The following SIPA1L2 variants were observed in gnomAD, a reference collection of about 807,000 sequenced individuals.
The protein encoded by SIPA1L2 is signal induced proliferation associated 1 like 2.
SIPA1L2 carries 56 observed loss-of-function variants against 163.9 expected under a neutral mutation model. The ratio of observed to expected loss-of-function variants is 0.34; its 90% confidence interval spans 0.28 to 0.43. SIPA1L2 has a LOEUF of 0.43. Among genes scored for constraint, SIPA1L2 ranks in the 20% least tolerant of loss-of-function variants. SIPA1L2 has a pLI of 1.00. For missense variants in SIPA1L2, 1,974 were observed against 2,193.5 expected (o/e 0.90, Z 2.00); for synonymous variants, 877 against 865.7 (o/e 1.01, Z -0.23).
At chr1:232,557,705 C>T (rs1314198198) in intron 2 of SIPA1L2, among the ~76,000 whole-genome samples, 2 of 152,228 alleles carry the variant, frequency 1.3e-5, no homozygotes. Flanking sequence ...TATTTATTTA[C>T]ATGCTTGTCT....
At chr1:232,623,405 A>G (rs1008752912) in intron 1 of SIPA1L2, among the ~76,000 whole-genome samples, 1 of 152,134 alleles carries the variant, frequency 6.6e-6, no homozygotes, top group Non-Finnish European at 1.5e-5. Context: ...GGAGATCGAG[A>G]CCATCCTGGC....
In SIPA1L2 at chr1:232,514,607, G is replaced by T. The variant is rs747610079; in HGVS notation, c.733C>A (p.His245Asn). 6.2e-7 allele frequency: 1 copy of T among 1,614,220 alleles called. No homozygotes were observed. The highest frequency in any genetic ancestry group is 1.1e-5 in the South Asian group (1 of 91,084). ...CCCCTAGAAATCTGTGCTGCTGCAT[G>T]AAGGCTCGGAGAGATTGCAGGGTCA... is the stretch of plus-strand genomic sequence containing the variant. Reference protein sequence around the residue: ...RCDPAISPSLHAAAQISRGEF... With the variant: ...RCDPAISPSLNAAAQISRGEF... The change falls in exon 3 of 23, where the codon CAT (histidine) becomes AAT (asparagine). Residue 245 changes from histidine to asparagine, a missense_variant. By Grantham distance (68) the His-to-Asn change is moderately conservative. Coordinates refer to ENST00000674635, the MANE Select transcript of SIPA1L2 (RefSeq NM_020808.5).
intron 19 of SIPA1L2, 95 bp from the exon 20 acceptor site, chr1:232,404,273 T>C: frequency 9.4e-7 from 1 of 1,061,694 alleles, no homozygotes; most frequent in Non-Finnish European, 1.4e-6. Flanking sequence ...TGAAGTAGTG[T>C]GTGTGTGTGA....
intron 1 of SIPA1L2, among the ~76,000 whole-genome samples, chr1:232,628,639 T>C (rs1429518925): frequency 1.3e-5 from 2 of 152,236 alleles, no homozygotes; most frequent in Non-Finnish European, 2.9e-5. Context: ...AATATCGGTA[T>C]GTGTAGGTTT....
At chr1:232,466,837 A>G (rs1664545491) in intron 8 of SIPA1L2, among the ~76,000 whole-genome samples, 1 of 152,124 alleles carries the variant, frequency 6.6e-6, no homozygotes, top group Non-Finnish European at 1.5e-5. Flanking sequence ...AGGAAAGATT[A>G]AGACGAGTAA....
intron 3 of SIPA1L2, among the ~76,000 whole-genome samples, chr1:232,510,874 A>T (rs1558233360): frequency 2.0e-5 from 3 of 152,230 alleles, no homozygotes; most frequent in Non-Finnish European, 4.4e-5. Flanking sequence ...ATAAATATGA[A>T]CATATATATA....
chr1:232,517,212 T>A (rs1232645116), intron 2 of SIPA1L2, among the ~76,000 whole-genome samples: 1 of 152,212 alleles, frequency 6.6e-6, no homozygotes, highest in Non-Finnish European at 1.5e-5. Context: ...TGAAACTCCT[T>A]TATCCTTTTA....
intron 2 of SIPA1L2, among the ~76,000 whole-genome samples, chr1:232,533,246 AC>A (rs1384896307): frequency 6.6e-6 from 1 of 152,238 alleles, no homozygotes; most frequent in Non-Finnish European, 1.5e-5. Flanking sequence ...TTTGAGATCC[AC>A]AGGGTAAAAA....
In SIPA1L2 at chr1:232,611,468, C is replaced by T. The variant is rs190438186; in HGVS notation, c.-319+18401G>A. 6.2e-3 allele frequency among the ~76,000 whole-genome samples: 947 copies of T among 152,204 alleles called. 6 individuals are homozygous for T. Among genetic ancestry groups the T allele is most frequent in the Non-Finnish European group, 0.01 (707 of 68,018 alleles). On this transcript the variant is annotated intron_variant, in intron 1 of 22. Coordinates refer to ENST00000674635, the MANE Select transcript of SIPA1L2 (RefSeq NM_020808.5). The stretch of plus-strand genomic sequence containing the variant: ...CTGAGACTCGTTGAATGGCTTTGAC[C>T]AAAAGCCTGATAGTGATATGAACAA...
At chr1:232,558,731 C>T (rs1347819510) in intron 2 of SIPA1L2, among the ~76,000 whole-genome samples, 1 of 152,114 alleles carries the variant, frequency 6.6e-6, no homozygotes, top group Non-Finnish European at 1.5e-5. Flanking sequence ...GATGCATGAT[C>T]CTAAATCTTC....
rs1573025510 is a variant in SIPA1L2, at chr1:232,524,579, C to T, written c.-269-8971G>A. On this transcript the variant is annotated intron_variant, in intron 2 of 22. Transcript: ENST00000674635. ...AAAACTTATATAGAAAAATATTCATCCAAAACTACAAGAATGAAAAATCAG... is the reference window on the plus strand; with the variant it reads ...AAAACTTATATAGAAAAATATTCATTCAAAACTACAAGAATGAAAAATCAG... Among the ~76,000 whole-genome samples, 3 of 152,166 alleles carry T rather than the reference C, an allele frequency of 2.0e-5. No individual in the cohort carries two copies. The East Asian group carries it at 5.8e-4, about 29-fold the overall frequency.
intron 6 of SIPA1L2, among the ~76,000 whole-genome samples, chr1:232,483,433 C>T (rs1263984267): frequency 6.6e-6 from 1 of 151,990 alleles, no homozygotes; most frequent in Non-Finnish European, 1.5e-5. Flanking sequence ...TATTTTGTCT[C>T]TTAGAAATAA....
chr1:232,589,492 G>A (rs553238564), intron 1 of SIPA1L2, among the ~76,000 whole-genome samples: 1 of 152,340 alleles, frequency 6.6e-6, no homozygotes, highest in East Asian at 1.9e-4. Flanking sequence ...ATTCAGTTGA[G>A]CTTCTCTTCG....
At chr1:232,405,588 A>G (rs921024855) in intron 19 of SIPA1L2, among the ~76,000 whole-genome samples, 1 of 152,208 alleles carries the variant, frequency 6.6e-6, no homozygotes, top group African/African-American at 2.4e-5. Flanking sequence ...GTGGTGTCCA[A>G]CATAACCCTC....
In SIPA1L2 at chr1:232,514,425, G is replaced by C. The variant is rs756663626; in HGVS notation, c.915C>G (p.Phe305Leu). 1.2e-6 allele frequency: 2 copies of C among 1,614,086 alleles called. No homozygotes were observed. Among genetic ancestry groups the C allele is most frequent in the Middle Eastern group, 1.6e-4 (1 of 6,084 alleles). ...TCTCCTCCAGCTCAGACGTGAACTT[G>C]AAAGTTTCGTGCTCACTTTTAACAG... ...LRTVKSEHET[F>L]KFTSELEESR... Residue 305 changes from phenylalanine to leucine, a missense_variant, in exon 3 of 23, where the codon TTC becomes TTG. Physicochemically the swap from Phe to Leu is conservative, Grantham distance 22. This residue lies in a region of SIPA1L2 where 607 missense variants were observed against 624.0 expected (regional missense o/e 0.97). Transcript: ENST00000674635.
At chr1:232,472,272 A>G (rs1359629) in intron 7 of SIPA1L2, among the ~76,000 whole-genome samples, 38,223 of 152,008 alleles carry the variant, frequency 0.25, 4,933 homozygotes, top group Admixed American at 0.35. Context: ...TTCATCTGAA[A>G]GAAACTTCCT....
chr1:232,447,656 G>C (rs1663297491), intron 10 of SIPA1L2, among the ~76,000 whole-genome samples: 1 of 152,160 alleles, frequency 6.6e-6, no homozygotes, highest in Non-Finnish European at 1.5e-5. Flanking sequence ...AACCAGGATG[G>C]ATCAGTATGA....
chr1:232,431,311 A>G (rs1662225389), intron 16 of SIPA1L2, among the ~76,000 whole-genome samples: 1 of 152,254 alleles, frequency 6.6e-6, no homozygotes, highest in South Asian at 2.1e-4. Flanking sequence ...ATTTGCAATG[A>G]CTGACATGAT....
At position 232,514,152 on chromosome 1, in the gene SIPA1L2, A is replaced by G. The variant is rs1667108632; in HGVS notation, c.1188T>C (p.Asp396=). 6.2e-7 allele frequency: 1 copy of G among 1,614,038 alleles called. No individual in the cohort carries two copies. Among genetic ancestry groups the G allele is most frequent in the African/African-American group, 1.3e-5 (1 of 74,914 alleles). The part of the protein sequence containing the change: ...DLNSKENLDA[D]EGDGKSNDLV... ...GGTCGTTACTTTTCCCATCACCCTC[A>G]TCGGCATCCAGGTTCTCTTTGGAGT... Residue 396 remains aspartate, a synonymous_variant, in exon 3 of 23, where the codon GAT becomes GAC. Transcript: ENST00000674635.
Sources: allele counts gnomAD v4.1 joint callset (sites outside exome capture counted in the v4.1 genomes callset), GRCh38; gene constraint gnomAD v4.1.1; regional missense constraint gnomAD v4.1.1; transcripts MANE v1.5; gene names NCBI Gene and HGNC (gene_info 2026-07-23, HGNC 2026-07-21).